Variants in SLC25A25 observed in about 807,000 individuals in gnomAD.
The protein encoded by SLC25A25 is solute carrier family 25 member 25, also known as mitochondrial adenyl nucleotide antiporter SLC25A25.
In SLC25A25, 32 loss-of-function variants were observed where a neutral mutation model predicts 57.7. The ratio of observed to expected loss-of-function variants is 0.55; its 90% CI spans 0.42 to 0.74. The LOEUF (loss-of-function observed/expected upper bound fraction) is 0.74, where lower values mean the gene tolerates loss of function less well. SLC25A25 is among the 30% of genes least tolerant of loss of function. The pLI, the probability that SLC25A25 is intolerant of heterozygous loss-of-function variation, is 0.00. For synonymous variants in SLC25A25, 306 were observed against 291.2 expected, an observed-to-expected ratio of 1.05 and a Z score of -0.52; for missense variants, 556 against 701.3, an observed-to-expected ratio of 0.79 and a Z score of 2.34.
Position 128,099,252 on chromosome 9 carries a change from A to G in SLC25A25, c.262-1844A>G. ...CCTTGCCACCTCGGCTTCTCGGTTA[A>G]TCAGTTTCCCTGCTACCCCCAGTGC... On this transcript the variant is annotated intron_variant, in intron 1 of 10. Coordinates refer to ENST00000373069, the MANE Select transcript of SLC25A25 (RefSeq NM_001330988.2). This position sits in a 1 kb window ranked among gnomAD's most constrained non-coding sequence, Gnocchi z 6.8. 7.8e-7 allele frequency: 1 copy of G among 1,289,106 alleles called. No homozygotes were observed. The highest frequency in any genetic ancestry group is 1.0e-6 in the Non-Finnish European group (1 of 988,534). 79.9% of individuals were successfully genotyped at this position (1,289,106 alleles called of 1,614,324 possible). A position where few individuals can be genotyped will look rare whatever the true frequency, so the allele number is the denominator to read the frequency against.
chr9:128,081,581 T>G (rs979817274), intron 1 of SLC25A25, among the ~76,000 whole-genome samples: 2 of 152,108 alleles, frequency 1.3e-5, no homozygotes, highest in African/African-American at 4.8e-5. Flanking sequence ...CTCCTTACTC[T>G]TGGTGCACAT....
chr9:128,105,626 G>T, intron 6 of SLC25A25, 103 bp from the exon 7 acceptor site: 3 of 1,554,366 alleles, frequency 1.9e-6, no homozygotes, highest in Non-Finnish European at 2.6e-6. Flanking sequence ...GGAAGAAAGG[G>T]CCTTCCCTTT....
chr9:128,070,194 C>T (rs1832874927), intron 1 of SLC25A25, among the ~76,000 whole-genome samples: 1 of 146,970 alleles, frequency 6.8e-6, no homozygotes, highest in Non-Finnish European at 1.5e-5. Context: ...GGGTTCACGC[C>T]ATTCTCCTGC....
chr9:128,081,241 C>T (rs974351729), intron 1 of SLC25A25, among the ~76,000 whole-genome samples: 6 of 152,194 alleles, frequency 3.9e-5, no homozygotes, highest in African/African-American at 7.2e-5. Context: ...TGACCTCTCT[C>T]CTGCCTGCAG....
At position 128,103,617 on chromosome 9, in the gene SLC25A25, C is replaced by T. The variant is rs779188463; in HGVS notation, c.625-64C>T. 70 of 1,608,002 alleles carry T rather than the reference C, an allele frequency of 4.4e-5. No homozygotes were observed. The highest frequency in any genetic ancestry group is 1.7e-4 in the Middle Eastern group (1 of 6,014). On this transcript the variant is annotated intron_variant, in intron 5 of 10. Coordinates refer to ENST00000373069, the MANE Select transcript of SLC25A25 (RefSeq NM_001330988.2). This position sits in a 1 kb window ranked among gnomAD's most constrained non-coding sequence, Gnocchi z 6.7. ...TGGAGCCGTGCTAGAGGGTAGACGG[C>T]GACAGGTGCCAGCAGCCTTGCCCCA...
intron 1 of SLC25A25, among the ~76,000 whole-genome samples, chr9:128,087,312 G>A (rs9774857): frequency 0.74 from 112,625 of 151,672 alleles, 43,628 homozygotes; most frequent in Non-Finnish European, 0.85. Flanking sequence ...TCTGGAGTGC[G>A]GTGCAGTGAC....
chr9:128,102,168 G>A lies in SLC25A25; in HGVS notation c.512+53G>A. 2 of 1,546,458 alleles carry A rather than the reference G, an allele frequency of 1.3e-6. No individual in the cohort carries two copies. Among genetic ancestry groups the A allele is most frequent in the South Asian group, 2.4e-5 (2 of 83,968 alleles). The stretch of plus-strand genomic sequence containing the variant: ...CTCCCTTGACTTCCATGCCTGATCA[G>A]AGCGGGATTCTTGTGGGCCATTATA... On this transcript the variant is annotated intron_variant, in intron 4 of 10. Transcript: ENST00000373069. The surrounding 1 kb of genome is among the most constrained non-coding windows in gnomAD (Gnocchi z 4.1).
intron 1 of SLC25A25, among the ~76,000 whole-genome samples, chr9:128,070,674 G>A (rs1033252394): frequency 4.6e-5 from 7 of 151,870 alleles, no homozygotes; most frequent in East Asian, 1.9e-4. Flanking sequence ...ATGGCTGGCC[G>A]GGCACAGTGG....
rs114790720 is a variant in SLC25A25, at chr9:128,107,651, C to G, written c.*207C>G. ...CAGCAGACCCTCCTGTTGGTTCCAGCGAAGACCACAGGCATTCCTTAGGGT... is the reference window on the plus strand; with the variant it reads ...CAGCAGACCCTCCTGTTGGTTCCAGGGAAGACCACAGGCATTCCTTAGGGT... On this transcript the variant is annotated 3_prime_UTR_variant, in exon 11 of 11. Coordinates refer to ENST00000373069, the MANE Select transcript of SLC25A25 (RefSeq NM_001330988.2). 6.5e-4 allele frequency: 318 copies of G among 492,730 alleles called. 1 individual carries two copies. In the East Asian group the frequency reaches 9.2e-3, roughly 14 times the overall value. 30.5% of individuals were successfully genotyped at this position (492,730 alleles called of 1,614,324 possible). A position where few individuals can be genotyped will look rare whatever the true frequency, so the allele number is the denominator to read the frequency against.
chr9:128,091,786 G>C, intron 1 of SLC25A25: 2 of 1,503,846 alleles, frequency 1.3e-6, no homozygotes, highest in African/African-American at 2.8e-5. Context: ...CCTCCCAGCA[G>C]CTGTGTAGCC....
At chr9:128,085,861 G>C (rs570674588) in intron 1 of SLC25A25, among the ~76,000 whole-genome samples, 1 of 151,828 alleles carries the variant, frequency 6.6e-6, no homozygotes, top group East Asian at 1.9e-4. Flanking sequence ...AAATATTTAG[G>C]TATTTTCCAA....
chr9:128,102,208 C>A lies in SLC25A25; in HGVS notation c.512+93C>A. The A allele has an allele frequency of 6.7e-7, 1 of 1,499,576 alleles. No homozygotes were observed. The highest frequency in any genetic ancestry group is 9.1e-7 in the Non-Finnish European group (1 of 1,100,238). The allele number at this position is 1,499,576 out of a possible 1,614,324, so 92.9% of individuals were successfully genotyped here. On this transcript the variant is annotated intron_variant, in intron 4 of 10. Transcript: ENST00000373069. The surrounding 1 kb of genome is among the most constrained non-coding windows in gnomAD (Gnocchi z 4.1). ...GGGCCATTATATTGCCATTGTTGTG[C>A]TAAGTGGGGTGTGGAGCCCCCTGCT...
At chr9:128,088,263 G>A (rs1168206314) in intron 1 of SLC25A25, among the ~76,000 whole-genome samples, 1 of 152,180 alleles carries the variant, frequency 6.6e-6, no homozygotes, top group Non-Finnish European at 1.5e-5. Flanking sequence ...GAACCTCCCT[G>A]TATTCTGAGG....
In SLC25A25 at chr9:128,102,079, G is replaced by C. The variant is rs1360165757; in HGVS notation, c.477-1G>C. The C allele has an allele frequency of 1.9e-6, 3 of 1,550,472 alleles. No individual in the cohort carries two copies. Among genetic ancestry groups the C allele is most frequent in the East Asian group, 2.4e-5 (1 of 40,930 alleles). On this transcript the variant is annotated splice_acceptor_variant, in intron 3 of 10. Coordinates refer to ENST00000373069, the MANE Select transcript of SLC25A25 (RefSeq NM_001330988.2). LOFTEE classifies it high-confidence loss of function. This position sits in a 1 kb window ranked among gnomAD's most constrained non-coding sequence, Gnocchi z 4.1. ...CTCCGCATCCTTTGTCTGTCTGTCA[G>C]AATACGAACGGGCCATTTCTGGGGC...
At chr9:128,075,799 G>A (rs574395674) in intron 1 of SLC25A25, among the ~76,000 whole-genome samples, 93 of 152,112 alleles carry the variant, frequency 6.1e-4, no homozygotes, top group South Asian at 6.0e-3. Flanking sequence ...AGCCGAGATC[G>A]CGCCACTGCA....
At chr9:128,080,230 AAAAAAAAAAAAC>A (rs1225688637) in intron 1 of SLC25A25, among the ~76,000 whole-genome samples, 2 of 85,974 alleles carry the variant, frequency 2.3e-5, no homozygotes, top group Admixed American at 1.3e-4. Flanking sequence ...TACCCCATCT[AAAAAAAAAAAAC>A]AAAAAAACAA....
intron 1 of SLC25A25, among the ~76,000 whole-genome samples, chr9:128,073,803 C>T (rs1168395921): frequency 6.6e-6 from 1 of 151,368 alleles, no homozygotes; most frequent in Non-Finnish European, 1.5e-5. Context: ...GGCGTGATCT[C>T]AGCTCACTGA....
chr9:128,109,204 G>A lies in SLC25A25; in HGVS notation c.*1760G>A, dbSNP rs934132570. 6.6e-6 allele frequency: 1 copy of A among 152,576 alleles called. No individual in the cohort carries two copies. Among genetic ancestry groups the A allele is most frequent in the Non-Finnish European group, 1.5e-5 (1 of 68,050 alleles). 9.5% of individuals were successfully genotyped at this position (152,576 alleles called of 1,614,324 possible). A position where few individuals can be genotyped will look rare whatever the true frequency, so the allele number is the denominator to read the frequency against. On this transcript the variant is annotated 3_prime_UTR_variant, in exon 11 of 11. Transcript: ENST00000373069. ...AAGAAAGAATTGGACGTTAGAAGTT[G>A]TCATTTAAAGCAGCCTTCTAATAAA...
intron 1 of SLC25A25, 44 bp downstream of exon 1, chr9:128,068,624 C>G (rs1441134252): frequency 7.2e-7 from 1 of 1,380,322 alleles, no homozygotes; most frequent in Non-Finnish European, 9.4e-7. Flanking sequence ...GGGAGCCCCT[C>G]GAGGGCCGGG....
Sources: allele counts gnomAD v4.1 joint callset (sites outside exome capture counted in the v4.1 genomes callset), GRCh38; gene constraint gnomAD v4.1.1; non-coding constraint Gnocchi (gnomAD v3.1); transcripts MANE v1.5; gene names NCBI Gene and HGNC (gene_info 2026-07-23, HGNC 2026-07-21).